Variants in RTEL1 observed in about 807,000 individuals in gnomAD.
RTEL1 encodes the protein regulator of telomere elongation helicase 1.
In RTEL1, 86 loss-of-function variants were observed where a neutral mutation model predicts 162.2. That is an observed-to-expected ratio of 0.53 (90% CI 0.45 to 0.63). The LOEUF (loss-of-function observed/expected upper bound fraction) is 0.63. RTEL1 is among the 30% of genes least tolerant of loss of function. RTEL1 has a pLI of 0.00. For missense variants in RTEL1, 1,941 were observed against 1,750.2 expected (o/e 1.11, Z -1.95); for synonymous variants, 958 against 717.9 (o/e 1.33, Z -5.35).
At position 63,690,030 on chromosome 20, in the gene RTEL1, G is replaced by A. The variant is rs2090693325; in HGVS notation, c.2142-57G>A. ...AGCAGATGAGGGTCTTCACTTCGGT[G>A]AACTGAACCCTTGAAGCGGCTGTGG... On this transcript the variant is annotated intron_variant, in intron 24 of 34. Transcript: ENST00000360203. 1.3e-5 allele frequency: 21 copies of A among 1,589,084 alleles called. 1 individual carries two copies. In the South Asian group the frequency reaches 2.3e-4, roughly 18 times the overall value.
In RTEL1 at chr20:63,687,697, C is replaced by T. The variant is rs1220019697; in HGVS notation, c.1408C>T (p.Gln470Ter). The T allele has an allele frequency of 6.2e-7, 1 of 1,606,896 alleles. No individual in the cohort carries two copies. Among genetic ancestry groups the T allele is most frequent in the Non-Finnish European group, 8.5e-7 (1 of 1,178,300 alleles). ...CCACAGCATGCACGAGCTGGTCCGC[C>T]AGGGCGTCCGCTCCCTCATCCTTAC... ...PGHSMHELVR[Q>*]GVRSLILTSG... The change falls in exon 17 of 35, where the codon CAG (glutamine) becomes TAG (stop). Residue 470 changes from glutamine to a stop codon, truncating the protein, a stop_gained. Transcript: ENST00000360203. LOFTEE classifies it high-confidence loss of function.
rs143614385 is a variant in RTEL1, at chr20:63,675,643, C to T, written c.919+1550C>T. 1.2e-3 allele frequency among the ~76,000 whole-genome samples: 181 copies of T among 152,234 alleles called. 4 individuals carry two copies. Among genetic ancestry groups the T allele is most frequent in the African/African-American group, 4.2e-3 (176 of 41,546 alleles). ...ATCTTCCCGTCTCAGCGTCTTAAAG[C>T]GCCGGGACCACAGGTGTGCACCACT... On this transcript the variant is annotated intron_variant, in intron 10 of 34. Coordinates refer to ENST00000360203, the MANE Select transcript of RTEL1 (RefSeq NM_001283009.2).
Position 63,690,936 on chromosome 20 carries a change from G to A in RTEL1, c.2545G>A (p.Gly849Ser), listed in dbSNP as rs908799108. 2.5e-5 allele frequency: 38 copies of A among 1,550,702 alleles called. 1 individual carries two copies. Among genetic ancestry groups the A allele is most frequent in the Admixed American group, 2.2e-4 (11 of 51,098 alleles). ...EHSEQRAGSP[G>S]EEQAHSCSTL... Reference sequence around the variant, plus strand: ...CAGCGAACAGCGGGCGGGGAGCCCTGGCGAGGAGCAGGTACAGTTCCAGGG... The same window carrying A: ...CAGCGAACAGCGGGCGGGGAGCCCTAGCGAGGAGCAGGTACAGTTCCAGGG... Residue 849 changes from glycine to serine, a missense_variant, in exon 27 of 35, where the codon GGC becomes AGC. By Grantham distance (56) the Gly-to-Ser change is moderately conservative. Coordinates refer to ENST00000360203, the MANE Select transcript of RTEL1 (RefSeq NM_001283009.2).
Position 63,661,609 on chromosome 20 carries a change from A to G in RTEL1, c.301+113A>G, listed in dbSNP as rs985287283. ...TCCTGCCGTCTCTCAAGCAGAACTC[A>G]AGGAGAATTTTTTAGCTGCTGTATA... On this transcript the variant is annotated intron_variant, in intron 3 of 34. Coordinates refer to ENST00000360203, the MANE Select transcript of RTEL1 (RefSeq NM_001283009.2). This position sits in a 1 kb window ranked among gnomAD's most constrained non-coding sequence, Gnocchi z 5.1. 8.6e-7 allele frequency: 1 copy of G among 1,161,378 alleles called. No homozygotes were observed. The highest frequency in any genetic ancestry group is 1.2e-6 in the Non-Finnish European group (1 of 831,746). 71.9% of individuals were successfully genotyped at this position (1,161,378 alleles called of 1,614,324 possible).
intron 28 of RTEL1, 24 bp from the exon 29 acceptor site, chr20:63,692,781 G>A: frequency 6.3e-7 from 1 of 1,598,988 alleles, no homozygotes; most frequent in Admixed American, 1.7e-5. Flanking sequence ...GGCCCTGATG[G>A]AGCCTCGGGC....
chr20:63,662,698 G>A, intron 5 of RTEL1, 71 bp downstream of exon 5: 3 of 1,606,052 alleles, frequency 1.9e-6, no homozygotes, highest in South Asian at 2.2e-5. Flanking sequence ...AGAGCCCCAG[G>A]CTGCGCTCCC....
At chr20:63,692,480 G>A in intron 28 of RTEL1, 1 of 418,300 alleles carries the variant, frequency 2.4e-6, no homozygotes, top group Non-Finnish European at 4.4e-6. Flanking sequence ...CGCATCCGCT[G>A]TGGGGCAGGG....
rs1213413017 is a variant in RTEL1, at chr20:63,679,540, C to T, written c.1038-309C>T. 3.9e-5 allele frequency among the ~76,000 whole-genome samples: 6 copies of T among 152,132 alleles called. No homozygotes were observed. The East Asian group carries it at 7.7e-4, about 20-fold the overall frequency. On this transcript the variant is annotated intron_variant, in intron 12 of 34. Transcript: ENST00000360203. ...GGCTTCTTTTCCTCGGTGCTGTTCT[C>T]GTGCTGGCCAGGCCTCCTCTCCCCA...
At chr20:63,692,132 CAT>C (rs1035396957) in intron 28 of RTEL1, 8 of 369,604 alleles carry the variant, frequency 2.2e-5, no homozygotes, top group Admixed American at 1.7e-4. Context: ...ACACCTGCCT[CAT>C]GTGAGGGACA....
Position 63,678,455 on chromosome 20 carries a change from C to A in RTEL1, c.1037+109C>A, listed in dbSNP as rs1364988885. 7 of 1,047,492 alleles carry A rather than the reference C, an allele frequency of 6.7e-6. No individual in the cohort carries two copies. In the East Asian group the frequency reaches 1.0e-4, roughly 16 times the overall value. 64.9% of individuals were successfully genotyped at this position (1,047,492 alleles called of 1,614,324 possible). On this transcript the variant is annotated intron_variant, in intron 12 of 34. Coordinates refer to ENST00000360203, the MANE Select transcript of RTEL1 (RefSeq NM_001283009.2). ...TCACGAGTGAGGCCTGTTTTCAGGC[C>A]TGTTTTCCCTTTTTGAGACCTGGGA...
chr20:63,691,097 T>A, intron 27 of RTEL1, 150 bp downstream of exon 27: 1 of 873,908 alleles, frequency 1.1e-6, no homozygotes, highest in Non-Finnish European at 1.7e-6. Context: ...GGATCCCAGC[T>A]GCCTGGCTGT....
chr20:63,662,603 G>A lies in RTEL1; in HGVS notation c.453G>A (p.Lys151=). The A allele has an allele frequency of 6.2e-7, 1 of 1,614,108 alleles. No individual in the cohort carries two copies. Among genetic ancestry groups the A allele is most frequent in the Middle Eastern group, 1.6e-4 (1 of 6,062 alleles). ...AGCTGTGCATCCATCCTGAGGTGAA[G>A]AAACAAGAGAGTAACCATCTACAGG... ...REQLCIHPEV[K]KQESNHLQIH... The change falls in exon 5 of 35, where the codon AAG becomes AAA. Residue 151 remains lysine, a synonymous_variant. Transcript: ENST00000360203.
chr20:63,681,936 G>C, intron 14 of RTEL1: 1 of 985,418 alleles, frequency 1.0e-6, no homozygotes, highest in South Asian at 4.7e-5. Flanking sequence ...GTCCCGCATG[G>C]AGTGTGGTTG....
Position 63,682,612 on chromosome 20 carries a change from G to A in RTEL1, c.1191+1893G>A, listed in dbSNP as rs558478654. 1.7e-5 allele frequency: 17 copies of A among 985,856 alleles called. No homozygotes were observed. In the South Asian group the frequency reaches 5.6e-4, roughly 33 times the overall value. 61.1% of individuals were successfully genotyped at this position (985,856 alleles called of 1,614,324 possible). The stretch of plus-strand genomic sequence containing the variant: ...CAGCCCTCGGGTGCCTGGAGGATGA[G>A]GGACTGCACACAGTGCTCACCCGCG... On this transcript the variant is annotated intron_variant, in intron 14 of 34. Transcript: ENST00000360203.
chr20:63,679,977 G>T (rs1311407409), intron 13 of RTEL1, 31 bp downstream of exon 13: 6 of 1,527,402 alleles, frequency 3.9e-6, no homozygotes, highest in Non-Finnish European at 5.4e-6. Context: ...TTTGGTGCGG[G>T]CAAATGTGGC....
At chr20:63,667,769 G>A (rs868354724) in intron 8 of RTEL1, among the ~76,000 whole-genome samples, 1 of 152,140 alleles carries the variant, frequency 6.6e-6, no homozygotes, top group Admixed American at 6.5e-5. Context: ...CTGGGAGCGG[G>A]CAGGCTGGTG....
intron 16 of RTEL1, 93 bp downstream of exon 16, chr20:63,685,965 T>C (rs2090583779): frequency 1.6e-6 from 2 of 1,255,006 alleles, no homozygotes; most frequent in African/African-American, 1.5e-5. Context: ...GCCGTGGATC[T>C]CCTGCCCCCA....
intron 6 of RTEL1, among the ~76,000 whole-genome samples, chr20:63,663,667 C>T (rs376676237): frequency 2.0e-5 from 3 of 152,190 alleles, no homozygotes; most frequent in Admixed American, 2.0e-4. Context: ...TCTGTGCAGT[C>T]GGCGCGGTCT....
rs1305208068 is a variant in RTEL1 at position 63,667,417 on chromosome 20, C to A, written c.615-52C>A. 3.5e-6 allele frequency: 5 copies of A among 1,439,422 alleles called. No homozygotes were observed. In the East Asian group the frequency reaches 9.1e-5, roughly 26 times the overall value. 89.2% of individuals were successfully genotyped at this position (1,439,422 alleles called of 1,614,324 possible). The stretch of plus-strand genomic sequence containing the variant: ...GTCAGAAGACATGGCGGCCTCGGGG[C>A]ACCGTCCCCTGCATGGGGTGCTCAC... On this transcript the variant is annotated intron_variant, in intron 7 of 34. Transcript: ENST00000360203.
Sources: gnomAD v4.1 joint callset for allele counts (sites outside exome capture counted in the v4.1 genomes callset) on GRCh38, gnomAD v4.1.1 for gene constraint, Gnocchi (gnomAD v3.1) non-coding constraint, MANE v1.5 for transcripts, NCBI Gene and HGNC (gene_info 2026-07-23, HGNC 2026-07-21) for gene names.